GRID2: variants seen among roughly 807,000 people sequenced by gnomAD.
GRID2 encodes glutamate ionotropic receptor delta type subunit 2, also known as glutamate receptor ionotropic, delta-2.
GRID2 carries 33 observed loss-of-function variants against 114.8 expected under a neutral mutation model. That is an observed-to-expected ratio of 0.29 (90% CI 0.22 to 0.38). The LOEUF (loss-of-function observed/expected upper bound fraction) is 0.38, where lower values mean the gene tolerates loss of function less well. GRID2 is among the 10% of genes least tolerant of loss of function. The probability of loss-of-function intolerance (pLI) is 1.00; values close to 1 mark genes in which losing one functional copy is unlikely to be tolerated. For synonymous variants in GRID2, 505 were observed against 449.9 expected, an observed-to-expected ratio of 1.12 and a Z score of -1.55; for missense variants, 1,184 against 1,257.7, an observed-to-expected ratio of 0.94 and a Z score of 0.89.
At chr4:92,670,576 T>C (rs1267605865) in intron 2 of GRID2, among the ~76,000 whole-genome samples, 1 of 152,080 alleles carries the variant, frequency 6.6e-6, no homozygotes, top group South Asian at 2.1e-4. Context: ...TTAATACATA[T>C]AGAGTAAGAT....
intron 2 of GRID2, among the ~76,000 whole-genome samples, chr4:92,634,673 T>C (rs1730974847): frequency 6.6e-6 from 1 of 151,896 alleles, no homozygotes; most frequent in East Asian, 1.9e-4. Context: ...GGGGCACATA[T>C]GTTAATGCAT....
chr4:92,616,956 G>A (rs1209299110), intron 2 of GRID2, among the ~76,000 whole-genome samples: 2 of 151,382 alleles, frequency 1.3e-5, no homozygotes, highest in Non-Finnish European at 3.0e-5. Flanking sequence ...ACCTAGTAGT[G>A]TTGTGTGATA....
intron 2 of GRID2, among the ~76,000 whole-genome samples, chr4:92,987,810 T>C (rs1754604230): frequency 6.6e-6 from 1 of 152,142 alleles, no homozygotes. Flanking sequence ...CTCTCTCTAA[T>C]TATAACTGTT....
At chr4:93,797,605 G>A (rs2110363726) in intron 1 of GRID2, among the ~76,000 whole-genome samples, 1 of 152,172 alleles carries the variant, frequency 6.6e-6, no homozygotes. Context: ...ATCAATTTGT[G>A]TTCTACTTCA....
At chr4:93,469,723 G>A (rs527343033) in intron 11 of GRID2, among the ~76,000 whole-genome samples, 1 of 152,138 alleles carries the variant, frequency 6.6e-6, no homozygotes, top group African/African-American at 2.4e-5. Flanking sequence ...TGTAAACTCA[G>A]CATTATCCTC....
intron 2 of GRID2, among the ~76,000 whole-genome samples, chr4:92,946,590 C>G (rs1484149515): frequency 6.6e-6 from 1 of 152,000 alleles, no homozygotes; most frequent in Non-Finnish European, 1.5e-5. Context: ...TATGCAAACT[C>G]TACTGCATAT....
chr4:93,653,379 A>G (rs945556594), intron 14 of GRID2, among the ~76,000 whole-genome samples: 3 of 152,278 alleles, frequency 2.0e-5, no homozygotes, highest in Middle Eastern at 3.4e-3. Context: ...TGCCAACTCC[A>G]GTGTATCTCA....
At chr4:93,367,802 A>G (rs1201262621) in intron 8 of GRID2, among the ~76,000 whole-genome samples, 1 of 152,232 alleles carries the variant, frequency 6.6e-6, no homozygotes, top group South Asian at 2.1e-4. Flanking sequence ...GATTAATGTC[A>G]GTGAACTAAT....
At chr4:92,685,692 A>G (rs144839542) in intron 2 of GRID2, among the ~76,000 whole-genome samples, 1,651 of 152,146 alleles carry the variant, frequency 0.011, 19 homozygotes, top group Non-Finnish European at 0.017. Context: ...TATAATTTTA[A>G]TATCCAAGAT....
intron 12 of GRID2, among the ~76,000 whole-genome samples, chr4:93,497,807 A>G (rs933259621): frequency 6.6e-6 from 1 of 151,756 alleles, no homozygotes; most frequent in African/African-American, 2.4e-5. Context: ...CATTTTAGCT[A>G]TTTTAGTTCC....
At chr4:92,548,790 C>T (rs987456512) in intron 1 of GRID2, among the ~76,000 whole-genome samples, 11 of 151,932 alleles carry the variant, frequency 7.2e-5, no homozygotes, top group Non-Finnish European at 1.5e-4. Context: ...TCTGGGGACA[C>T]CTTAGGAAAC....
At chr4:93,552,913 T>C (rs1733925335) in intron 13 of GRID2, among the ~76,000 whole-genome samples, 1 of 152,018 alleles carries the variant, frequency 6.6e-6, no homozygotes, top group Non-Finnish European at 1.5e-5. Flanking sequence ...AATATTTTGC[T>C]GAGAGTGATG....
chr4:92,525,909 C>T (rs942825850), intron 1 of GRID2, among the ~76,000 whole-genome samples: 2 of 152,040 alleles, frequency 1.3e-5, no homozygotes, highest in African/African-American at 4.8e-5. Flanking sequence ...TTAAAGGGCT[C>T]TAAGTTATTG....
chr4:93,355,913 C>T (rs558774073), intron 8 of GRID2, among the ~76,000 whole-genome samples: 1 of 152,004 alleles, frequency 6.6e-6, no homozygotes, highest in Non-Finnish European at 1.5e-5. Context: ...AAGAATGTAA[C>T]TCCAGTTTGT....
At chr4:93,439,513 A>G (rs538325079) in intron 10 of GRID2, among the ~76,000 whole-genome samples, 7 of 152,224 alleles carry the variant, frequency 4.6e-5, no homozygotes, top group Admixed American at 3.3e-4. Flanking sequence ...TTAGTCAGTG[A>G]GCATCTGGAA....
At chr4:92,537,633 T>G (rs1394426179) in intron 1 of GRID2, among the ~76,000 whole-genome samples, 2 of 152,192 alleles carry the variant, frequency 1.3e-5, no homozygotes, top group East Asian at 3.9e-4. Context: ...AGTAATTATG[T>G]TTTAATAGGC....
At chr4:93,178,146 T>G (rs1425922534) in intron 4 of GRID2, among the ~76,000 whole-genome samples, 1 of 151,666 alleles carries the variant, frequency 6.6e-6, no homozygotes, top group Non-Finnish European at 1.5e-5. Flanking sequence ...GCTTCTATTA[T>G]AGATTCTCCC....
intron 2 of GRID2, among the ~76,000 whole-genome samples, chr4:92,682,691 C>CAG (rs1466301421): frequency 2.7e-5 from 4 of 145,980 alleles, no homozygotes; most frequent in Non-Finnish European, 4.4e-5. Context: ...GGCACACACA[C>CAG]ACACACACAC....
At chr4:92,912,528 C>T (rs906949379) in intron 2 of GRID2, among the ~76,000 whole-genome samples, 7 of 151,692 alleles carry the variant, frequency 4.6e-5, no homozygotes, top group Non-Finnish European at 1.0e-4. Flanking sequence ...ATACCTTATT[C>T]CATAATATAT....
Sources: gnomAD v4.1 joint callset for allele counts (sites outside exome capture counted in the v4.1 genomes callset) on GRCh38, gnomAD v4.1.1 for gene constraint, MANE v1.5 for transcripts, NCBI Gene and HGNC (gene_info 2026-07-23, HGNC 2026-07-21) for gene names.